Variants in RERE observed in about 807,000 individuals in gnomAD.
RERE encodes the protein arginine-glutamic acid dipeptide repeats protein.
Under a neutral mutation model 146.1 loss-of-function variants are expected in RERE, and 40 were observed. The ratio of observed to expected loss-of-function variants is 0.27; its 90% CI spans 0.21 to 0.36. RERE has a LOEUF of 0.36. Among genes scored for constraint, RERE ranks in the 10% least tolerant of loss-of-function variants. The pLI is 1.00. For missense variants in RERE, 1,933 were observed against 2,138.7 expected (o/e 0.90, Z 1.90); for synonymous variants, 1,003 against 866.0 (o/e 1.16, Z -2.78).
At chr1:8,451,079 C>T (rs1644384701) in intron 11 of RERE, among the ~76,000 whole-genome samples, 2 of 152,328 alleles carry the variant, frequency 1.3e-5, no homozygotes, top group Admixed American at 6.5e-5. Context: ...TACTGGTTCC[C>T]CATGTTCTCT....
intron 1 of RERE, among the ~76,000 whole-genome samples, chr1:8,667,086 T>A (rs1638592125): frequency 1.3e-5 from 2 of 152,346 alleles, no homozygotes; most frequent in Admixed American, 1.3e-4. Flanking sequence ...ATAGTAGCAC[T>A]TCCTCATCTC....
chr1:8,520,877 T>G (rs1645488194), intron 7 of RERE, among the ~76,000 whole-genome samples: 1 of 150,956 alleles, frequency 6.6e-6, no homozygotes. Context: ...GAAATCAAAC[T>G]GTATAACAAA....
chr1:8,407,416 C>T (rs1257529044), intron 12 of RERE, among the ~76,000 whole-genome samples: 1 of 152,188 alleles, frequency 6.6e-6, no homozygotes, highest in Non-Finnish European at 1.5e-5. Flanking sequence ...TACATTTATA[C>T]TTTATAAGGT....
At chr1:8,606,692 T>C (rs1646714366) in intron 4 of RERE, among the ~76,000 whole-genome samples, 1 of 152,170 alleles carries the variant, frequency 6.6e-6, no homozygotes, top group Non-Finnish European at 1.5e-5. Context: ...CTTCTGTCCT[T>C]TAACACAGCA....
chr1:8,424,476 A>G (rs1188383153), intron 11 of RERE, among the ~76,000 whole-genome samples: 1 of 152,210 alleles, frequency 6.6e-6, no homozygotes, highest in African/African-American at 2.4e-5. Flanking sequence ...ATCATTGTCA[A>G]TTTTCAATAT....
At chr1:8,789,301 A>AAAAAAAAAAAAAAAATATAT in intron 1 of RERE, among the ~76,000 whole-genome samples, 2 of 24,810 alleles carry the variant, frequency 8.1e-5, no homozygotes, top group African/African-American at 4.6e-4. Flanking sequence ...AAAAAAAAAA[A>AAAAAAAAAAAAAAAATATAT]ATATATATAT....
intron 11 of RERE, among the ~76,000 whole-genome samples, chr1:8,448,688 T>A (rs1644354177): frequency 6.6e-6 from 1 of 151,978 alleles, no homozygotes; most frequent in South Asian, 2.1e-4. Flanking sequence ...GGCCTCCAGA[T>A]GGCCCTGGCG....
chr1:8,641,432 C>T (rs1313944289), intron 2 of RERE, among the ~76,000 whole-genome samples: 2 of 152,148 alleles, frequency 1.3e-5, no homozygotes, highest in Non-Finnish European at 2.9e-5. Context: ...AGTTCAAATG[C>T]TTGCTCACTA....
intron 15 of RERE, 88 bp downstream of exon 15, chr1:8,363,968 C>T (rs770379740): frequency 1.3e-5 from 16 of 1,233,742 alleles, no homozygotes; most frequent in South Asian, 8.8e-5. Flanking sequence ...ACAAGACTTT[C>T]GCTTCCTCCC....
chr1:8,614,351 C>G (rs1646826726), intron 4 of RERE, among the ~76,000 whole-genome samples: 1 of 152,118 alleles, frequency 6.6e-6, no homozygotes, highest in African/African-American at 2.4e-5. Context: ...AATACCCTTC[C>G]ACCAAACCCC....
At chr1:8,501,273 G>A (rs1298791936) in intron 8 of RERE, among the ~76,000 whole-genome samples, 6 of 127,644 alleles carry the variant, frequency 4.7e-5, no homozygotes, top group Non-Finnish European at 8.4e-5. Flanking sequence ...CTGCCCGGTC[G>A]CCCCTACCGG....
Position 8,808,147 on chromosome 1 carries a change from CAAAA to C in RERE, c.-145+9009_-145+9012del, listed in dbSNP as rs778069782. 2.6e-4 allele frequency among the ~76,000 whole-genome samples: 14 copies of C among 53,166 alleles called. 1 individual carries two copies. Among genetic ancestry groups the C allele is most frequent in the Admixed American group, 1.0e-3 (5 of 4,808 alleles). 34.9% of individuals were successfully genotyped at this position (53,166 alleles called of 152,430 possible). On this transcript the variant is annotated intron_variant, in intron 1 of 22. Coordinates refer to ENST00000400908, the MANE Select transcript of RERE (RefSeq NM_001042681.2). ...TGGGCAACAGAGCAAGACCTTGTCTCAAAAAAAAAAAAAAAAAAAAAAACCTCCT... is the reference window on the plus strand; with the variant it reads ...TGGGCAACAGAGCAAGACCTTGTCTCAAAAAAAAAAAAAAAAAAACCTCCT...
At chr1:8,556,811 A>G (rs1276662792) in intron 5 of RERE, among the ~76,000 whole-genome samples, 2 of 152,206 alleles carry the variant, frequency 1.3e-5, no homozygotes, top group East Asian at 1.9e-4. Context: ...GTAAGACCCT[A>G]TATTTTGCCA....
At chr1:8,813,508 C>G (rs539805490) in intron 1 of RERE, among the ~76,000 whole-genome samples, 33 of 151,612 alleles carry the variant, frequency 2.2e-4, no homozygotes, top group African/African-American at 8.0e-4. Context: ...AGATTATATT[C>G]TTATATGTGT....
At chr1:8,693,242 A>G (rs1639248057) in intron 1 of RERE, among the ~76,000 whole-genome samples, 4 of 152,348 alleles carry the variant, frequency 2.6e-5, no homozygotes, top group Admixed American at 2.0e-4. Context: ...ACACACCTTC[A>G]TATTTACTCA....
intron 1 of RERE, among the ~76,000 whole-genome samples, chr1:8,659,112 AG>A (rs1638396186): frequency 6.6e-6 from 1 of 152,262 alleles, no homozygotes; most frequent in Admixed American, 6.5e-5. Context: ...TGCCTACAAA[AG>A]TTTTGCCCAG....
At chr1:8,475,245 G>C (rs755325099) in intron 10 of RERE, among the ~76,000 whole-genome samples, 1 of 151,182 alleles carries the variant, frequency 6.6e-6, no homozygotes, top group African/African-American at 2.4e-5. Flanking sequence ...GTGGTGGCGC[G>C]CACCTGTAAT....
At chr1:8,728,216 C>A (rs944061316) in intron 1 of RERE, among the ~76,000 whole-genome samples, 1 of 152,328 alleles carries the variant, frequency 6.6e-6, no homozygotes, top group East Asian at 1.9e-4. Flanking sequence ...TTACTGAGCA[C>A]GCATGCAATA....
rs560162723 is a variant in RERE, at chr1:8,450,054, A to G, written c.1203+15871T>C. On this transcript the variant is annotated intron_variant, in intron 11 of 22. Coordinates refer to ENST00000400908, the MANE Select transcript of RERE (RefSeq NM_001042681.2). ...ATTTGCTTATTTGTCTGTGGTCCCT[A>G]TTAGAATGCAAATCCCATGAGAACA... Among the ~76,000 whole-genome samples, 18 of 152,262 alleles carry G rather than the reference A, an allele frequency of 1.2e-4. No homozygotes were observed. In the Middle Eastern group the frequency reaches 0.024, roughly 201 times the overall value.
Sources: allele counts gnomAD v4.1 joint callset (sites outside exome capture counted in the v4.1 genomes callset), GRCh38; gene constraint gnomAD v4.1.1; transcripts MANE v1.5; gene names NCBI Gene and HGNC (gene_info 2026-07-23, HGNC 2026-07-21).